The following L3MBTL3 variants were observed in gnomAD, a reference collection of about 807,000 sequenced individuals.
L3MBTL3 encodes L3MBTL histone methyl-lysine binding protein 3, also known as lethal(3)malignant brain tumor-like protein 3.
Under a neutral mutation model 102.3 loss-of-function variants are expected in L3MBTL3, and 27 were observed. The ratio of observed to expected loss-of-function variants is 0.26; its 90% CI spans 0.19 to 0.36. The LOEUF (loss-of-function observed/expected upper bound fraction) is 0.36, where lower values mean the gene tolerates loss of function less well. Among genes scored for constraint, L3MBTL3 ranks in the 10% least tolerant of loss-of-function variants. The pLI is 1.00. For missense variants in L3MBTL3, 798 were observed against 955.3 expected, an observed-to-expected ratio of 0.84 and a Z score of 2.17; for synonymous variants, 340 against 320.9, an observed-to-expected ratio of 1.06 and a Z score of -0.64.
chr6:130,101,128 A>G (rs1190209694), intron 18 of L3MBTL3, among the ~76,000 whole-genome samples: 4 of 152,282 alleles, frequency 2.6e-5, no homozygotes, highest in African/African-American at 9.6e-5. Context: ...TGCAACAAAA[A>G]CACACAATAT....
At chr6:130,044,298 T>C (rs900539136) in intron 3 of L3MBTL3, among the ~76,000 whole-genome samples, 6 of 152,204 alleles carry the variant, frequency 3.9e-5, no homozygotes, top group African/African-American at 1.4e-4. Context: ...AATTGTATTT[T>C]TTCTGGCTTT....
intron 19 of L3MBTL3, 30 bp downstream of exon 19, chr6:130,104,605 T>C: frequency 2.1e-6 from 3 of 1,456,054 alleles, no homozygotes; most frequent in Non-Finnish European, 2.7e-6. Context: ...TAGCATTGTT[T>C]AGAAGTACTC....
At chr6:130,109,962 C>T (rs936958376) in intron 19 of L3MBTL3, among the ~76,000 whole-genome samples, 2 of 152,176 alleles carry the variant, frequency 1.3e-5, no homozygotes, top group Admixed American at 6.5e-5. Flanking sequence ...AAAATCGTTT[C>T]CCGCTTGCTT....
chr6:130,078,570 A>G lies in L3MBTL3; in HGVS notation c.1257A>G (p.Ser419=). The change falls in exon 14 of 23, where the codon TCA becomes TCG. Residue 419 remains serine, a synonymous_variant. Transcript: ENST00000361794. Reference sequence around the variant, plus strand: ...GTGTAACTTTCAGGTGTGAAGCATCAAGTCCACATATTCATCCAGTTGGTT... The same window carrying G: ...GTGTAACTTTCAGGTGTGAAGCATCGAGTCCACATATTCATCCAGTTGGTT... ...DESYDYWCEA[S]SPHIHPVGWC... 1 of 1,610,124 alleles carries G rather than the reference A, an allele frequency of 6.2e-7. No individual in the cohort carries two copies.
At chr6:130,130,985 TATAAC>T (rs1361652536) in intron 20 of L3MBTL3, among the ~76,000 whole-genome samples, 1 of 152,158 alleles carries the variant, frequency 6.6e-6, no homozygotes, top group Non-Finnish European at 1.5e-5. Flanking sequence ...ATTTACCACT[TATAAC>T]AGCCTCAGGA....
intron 10 of L3MBTL3, among the ~76,000 whole-genome samples, chr6:130,062,288 C>G (rs1303040945): frequency 2.0e-5 from 3 of 152,146 alleles, no homozygotes; most frequent in Non-Finnish European, 2.9e-5. Flanking sequence ...TGACCCTTAA[C>G]AGTTGACTGT....
chr6:130,067,840 A>G (rs1782366356), intron 11 of L3MBTL3, among the ~76,000 whole-genome samples: 1 of 152,230 alleles, frequency 6.6e-6, no homozygotes, highest in Admixed American at 6.5e-5. Context: ...GTAATTTGCC[A>G]GCATCCTTAC....
intron 17 of L3MBTL3, among the ~76,000 whole-genome samples, chr6:130,093,443 T>G (rs958885009): frequency 6.6e-6 from 1 of 152,142 alleles, no homozygotes; most frequent in East Asian, 1.9e-4. Context: ...TTTAAAAAAT[T>G]TAGTGTACTT....
intron 18 of L3MBTL3, among the ~76,000 whole-genome samples, chr6:130,101,226 C>A (rs925881401): frequency 6.6e-6 from 1 of 152,068 alleles, no homozygotes; most frequent in African/African-American, 2.4e-5. Flanking sequence ...GAGTCAGGAA[C>A]AGTAGGAGGA....
chr6:130,030,012 C>A (rs1489435606), intron 2 of L3MBTL3, among the ~76,000 whole-genome samples: 1 of 152,072 alleles, frequency 6.6e-6, no homozygotes, highest in Non-Finnish European at 1.5e-5. Context: ...TCAGTCACCA[C>A]CACACCCAGC....
At chr6:130,099,852 G>A (rs1784578099) in intron 18 of L3MBTL3, among the ~76,000 whole-genome samples, 1 of 152,174 alleles carries the variant, frequency 6.6e-6, no homozygotes. Flanking sequence ...AATAAGAATA[G>A]TGTGATAAGT....
intron 16 of L3MBTL3, among the ~76,000 whole-genome samples, chr6:130,086,567 T>G (rs962277480): frequency 1.3e-5 from 2 of 152,198 alleles, no homozygotes; most frequent in African/African-American, 4.8e-5. Flanking sequence ...TGCCCTTTTT[T>G]AAAAAAATTG....
intron 13 of L3MBTL3, 129 bp downstream of exon 13, chr6:130,071,256 AT>A: frequency 1.3e-6 from 1 of 787,678 alleles, no homozygotes; most frequent in Non-Finnish European, 2.0e-6. Context: ...CCTGTTACAG[AT>A]TTTTAATTTT....
intron 22 of L3MBTL3, among the ~76,000 whole-genome samples, chr6:130,136,764 C>T (rs1173965609): frequency 2.6e-5 from 4 of 151,994 alleles, no homozygotes; most frequent in Non-Finnish European, 5.9e-5. Flanking sequence ...ACTGCAGGTG[C>T]GTGCCACCAC....
chr6:130,077,372 G>A (rs1222410050), intron 13 of L3MBTL3, among the ~76,000 whole-genome samples: 1 of 152,064 alleles, frequency 6.6e-6, no homozygotes, highest in Non-Finnish European at 1.5e-5. Flanking sequence ...GCATGAACTT[G>A]GCATTGACCT....
At chr6:130,101,483 C>A (rs1160325444) in intron 18 of L3MBTL3, among the ~76,000 whole-genome samples, 1 of 152,188 alleles carries the variant, frequency 6.6e-6, no homozygotes, top group Non-Finnish European at 1.5e-5. Context: ...TTGGCAGTTT[C>A]ATTGTGGGCA....
At chr6:130,090,197 C>CATATATAT (rs67532079) in intron 16 of L3MBTL3, among the ~76,000 whole-genome samples, 142 of 150,650 alleles carry the variant, frequency 9.4e-4, no homozygotes, top group Non-Finnish European at 1.8e-3. Flanking sequence ...ATTTTAAGCA[C>CATATATAT]ATATATATAT....
intron 16 of L3MBTL3, among the ~76,000 whole-genome samples, chr6:130,092,303 T>C (rs1784103863): frequency 6.6e-6 from 1 of 152,090 alleles, no homozygotes. Context: ...GCAGAAGGCT[T>C]GACATTACTT....
chr6:130,087,778 GA>G (rs1783778264), intron 16 of L3MBTL3, among the ~76,000 whole-genome samples: 1 of 151,650 alleles, frequency 6.6e-6, no homozygotes, highest in Admixed American at 6.6e-5. Context: ...AAATATTTTA[GA>G]AGACTATTTA....
Sources: allele counts gnomAD v4.1 joint callset (sites outside exome capture counted in the v4.1 genomes callset), GRCh38; gene constraint gnomAD v4.1.1; transcripts MANE v1.5; gene names NCBI Gene and HGNC (gene_info 2026-07-23, HGNC 2026-07-21).